The following FRMD6 variants were observed in gnomAD, a reference collection of about 807,000 sequenced individuals.
The protein encoded by FRMD6 is FERM domain containing 6.
Under a neutral mutation model 73.2 loss-of-function variants are expected in FRMD6, and 37 were observed. The observed-to-expected ratio is 0.51, with a 90% CI of 0.39 to 0.66. The LOEUF (loss-of-function observed/expected upper bound fraction) is 0.66. FRMD6 is among the 30% of genes least tolerant of loss of function. FRMD6 has a pLI of 0.00. For synonymous variants in FRMD6, 273 were observed against 282.2 expected (o/e 0.97, Z 0.33); for missense variants, 714 against 780.5 (o/e 0.91, Z 1.02).
the FRMD6 span, among the ~76,000 whole-genome samples, chr14:51,402,986 T>G: frequency 6.6e-6 from 1 of 152,062 alleles, no homozygotes; most frequent in East Asian, 1.9e-4. Flanking sequence ...ACACCATAGG[T>G]AGGGGACGCA....
the FRMD6 span, among the ~76,000 whole-genome samples, chr14:51,433,098 C>A: frequency 6.6e-6 from 1 of 152,214 alleles, no homozygotes; most frequent in Non-Finnish European, 1.5e-5. Context: ...GGTAGGATGT[C>A]AAGCTGGTAC....
At chr14:51,549,332 A>ATAGT (rs2139422302) in intron 1 of FRMD6, among the ~76,000 whole-genome samples, 2 of 152,332 alleles carry the variant, frequency 1.3e-5, no homozygotes, top group South Asian at 4.1e-4. Flanking sequence ...GTGTTATTCC[A>ATAGT]TAGTATAGGC....
In FRMD6 at chr14:51,728,035, G is replaced by C; in HGVS notation, c.*6G>C. On this transcript the variant is annotated 3_prime_UTR_variant, in exon 14 of 14. Coordinates refer to ENST00000344768, the MANE Select transcript of FRMD6 (RefSeq NM_001267046.2). ...TTCCAGAGTTTGTTGTGTAAAGTCCGTCTGTGTGCAGCTGTACAGGCAGCT... is the reference window on the plus strand; with the variant it reads ...TTCCAGAGTTTGTTGTGTAAAGTCCCTCTGTGTGCAGCTGTACAGGCAGCT... 1 of 1,602,262 alleles carries C rather than the reference G, an allele frequency of 6.2e-7. No homozygotes were observed. Among genetic ancestry groups the C allele is most frequent in the Non-Finnish European group, 8.5e-7 (1 of 1,171,146 alleles).
intron 2 of FRMD6, among the ~76,000 whole-genome samples, chr14:51,614,081 A>C (rs1234352297): frequency 1.3e-5 from 2 of 152,206 alleles, no homozygotes; most frequent in African/African-American, 4.8e-5. Flanking sequence ...AGCTACAGGC[A>C]CTTCCCACTC....
the FRMD6 span, among the ~76,000 whole-genome samples, chr14:51,420,748 T>A: frequency 6.6e-6 from 1 of 152,134 alleles, no homozygotes; most frequent in African/African-American, 2.4e-5. Flanking sequence ...TGTGTGTAGG[T>A]TATATGCAAA....
chr14:51,538,695 A>G (rs985817898), intron 1 of FRMD6, among the ~76,000 whole-genome samples: 1 of 152,200 alleles, frequency 6.6e-6, no homozygotes, highest in Non-Finnish European at 1.5e-5. Context: ...CCAAAAATCA[A>G]CTAGCCACCT....
chr14:51,588,337 CA>C (rs1889176111), intron 2 of FRMD6, among the ~76,000 whole-genome samples: 1 of 151,894 alleles, frequency 6.6e-6, no homozygotes, highest in Admixed American at 6.6e-5. Context: ...AGGTTTGTTA[CA>C]TATGTATACA....
chr14:51,714,222 G>T (rs563849709), intron 9 of FRMD6: 1 of 152,162 alleles, frequency 6.6e-6, no homozygotes, highest in South Asian at 2.1e-4. Flanking sequence ...TAAATGAGTG[G>T]ATACATGCTT....
intron 2 of FRMD6, among the ~76,000 whole-genome samples, chr14:51,607,002 CT>C (rs1890284561): frequency 6.6e-6 from 1 of 152,124 alleles, no homozygotes; most frequent in Non-Finnish European, 1.5e-5. Flanking sequence ...TCTGCACTTT[CT>C]TTTCTGTGTT....
intron 1 of FRMD6, among the ~76,000 whole-genome samples, chr14:51,677,750 A>ACC (rs1311932083): frequency 2.0e-5 from 3 of 152,036 alleles, no homozygotes; most frequent in African/African-American, 7.2e-5. Flanking sequence ...AAGTTAACAC[A>ACC]CCGCCAGATC....
At chr14:51,649,967 TG>T (rs1188412946), upstream of FRMD6, 1 of 152,224 alleles carries the variant, frequency 6.6e-6, no homozygotes, top group African/African-American at 2.4e-5. Flanking sequence ...GGTCTGGCTA[TG>T]ATGCCCAGGC....
rs1887244169 is a variant in FRMD6 at position 51,558,002 on chromosome 14, T to A, written c.-209-12346T>A. On this transcript the variant is annotated intron_variant, in intron 1 of 14. Coordinates refer to the FRMD6 transcript ENST00000356218. ...AGACAATTGGTAAGGAAAGTATGAT[T>A]ATTATTTGAAGTTTTCATGAAGATA... Among the ~76,000 whole-genome samples the A allele has an allele frequency of 2.0e-5, 3 of 152,066 alleles. No homozygotes were observed. In the South Asian group the frequency reaches 6.2e-4, roughly 32 times the overall value.
chr14:51,411,725 G>A, the FRMD6 span, among the ~76,000 whole-genome samples: 1 of 152,056 alleles, frequency 6.6e-6, no homozygotes, highest in Non-Finnish European at 1.5e-5. Context: ...TTAAGAGGGT[G>A]GATTTTTGGT....
chr14:51,671,242 G>C (rs1893982847), intron 1 of FRMD6, among the ~76,000 whole-genome samples: 1 of 152,222 alleles, frequency 6.6e-6, no homozygotes, highest in Non-Finnish European at 1.5e-5. Flanking sequence ...TTTGGGAAAT[G>C]ATGGCCTCAT....
At chr14:51,654,921 TG>T (rs1381376984) in intron 1 of FRMD6, among the ~76,000 whole-genome samples, 2 of 152,178 alleles carry the variant, frequency 1.3e-5, no homozygotes, top group African/African-American at 4.8e-5. Flanking sequence ...TGCCCTAGTT[TG>T]GTAGATGAAG....
intron 2 of FRMD6, among the ~76,000 whole-genome samples, chr14:51,597,241 T>C (rs1468184262): frequency 6.6e-6 from 1 of 152,130 alleles, no homozygotes; most frequent in Non-Finnish European, 1.5e-5. Context: ...AAAAATGAAA[T>C]ATATGCATAC....
chr14:51,450,699 A>G, the FRMD6 span, among the ~76,000 whole-genome samples: 1 of 152,318 alleles, frequency 6.6e-6, no homozygotes. Flanking sequence ...AAACATTGAT[A>G]TATAAAAAAA....
chr14:51,585,961 A>ATATATATATATATATATATAT (rs1555324347), intron 2 of FRMD6, among the ~76,000 whole-genome samples: 170 of 56,184 alleles, frequency 3.0e-3, no homozygotes, highest in Non-Finnish European at 5.6e-3. Context: ...ATATATATAT[A>ATATATATATATATATATATAT]ACATTTTCTT....
rs1898121595 is a variant in FRMD6 at position 51,728,839 on chromosome 14, G to A, written c.*810G>A. Reference sequence around the variant, plus strand: ...ATGTCTTAGAAAACGTTGGTGCTTGGTGATGCTTTATTTGTTTAATTATCA... The same window carrying A: ...ATGTCTTAGAAAACGTTGGTGCTTGATGATGCTTTATTTGTTTAATTATCA... On this transcript the variant is annotated 3_prime_UTR_variant, in exon 14 of 14. Coordinates refer to ENST00000344768, the MANE Select transcript of FRMD6 (RefSeq NM_001267046.2). 6.6e-6 allele frequency: 1 copy of A among 152,376 alleles called. No homozygotes were observed. Among genetic ancestry groups the A allele is most frequent in the South Asian group, 2.1e-4 (1 of 4,826 alleles). 9.4% of individuals were successfully genotyped at this position (152,376 alleles called of 1,614,324 possible). A position where few individuals can be genotyped will look rare whatever the true frequency, so the allele number is the denominator to read the frequency against.
Sources: allele counts gnomAD v4.1 joint callset (sites outside exome capture counted in the v4.1 genomes callset), GRCh38; gene constraint gnomAD v4.1.1; transcripts MANE v1.5; gene names NCBI Gene and HGNC (gene_info 2026-07-23, HGNC 2026-07-21).